PRKG1: variants seen among roughly 807,000 people sequenced by gnomAD.
PRKG1 encodes protein kinase cGMP-dependent 1.
PRKG1 carries 35 observed loss-of-function variants against 88.1 expected under a neutral mutation model. The ratio of observed to expected loss-of-function variants is 0.40; its 90% CI spans 0.30 to 0.53. The LOEUF (loss-of-function observed/expected upper bound fraction) is 0.53, where lower values mean the gene tolerates loss of function less well. PRKG1 is among the 20% of genes least tolerant of loss of function. The pLI is 0.59. For synonymous variants in PRKG1, 303 were observed against 292.5 expected (o/e 1.04, Z -0.37); for missense variants, 540 against 839.8 (o/e 0.64, Z 4.41).
intron 5 of PRKG1, among the ~76,000 whole-genome samples, chr10:51,963,862 G>A (rs149687077): frequency 3.3e-5 from 5 of 152,252 alleles, no homozygotes; most frequent in African/African-American, 1.2e-4. Context: ...CTGATTTTAT[G>A]TCAGTATCAC....
chr10:51,390,856 G>A (rs1837376606), intron 2 of PRKG1, among the ~76,000 whole-genome samples: 1 of 149,870 alleles, frequency 6.7e-6, no homozygotes, highest in Admixed American at 6.6e-5. Flanking sequence ...CAGGGTAGAG[G>A]CCATGGATGG....
intron 1 of PRKG1, among the ~76,000 whole-genome samples, chr10:50,998,334 TACTC>T (rs112741062): frequency 0.02 from 3,014 of 152,350 alleles, 52 homozygotes; most frequent in Middle Eastern, 0.071. Flanking sequence ...GCAGATTTCT[TACTC>T]AAACTATTAC....
chr10:52,245,783 T>G (rs1261158099), intron 9 of PRKG1, among the ~76,000 whole-genome samples: 1 of 150,532 alleles, frequency 6.6e-6, no homozygotes, highest in African/African-American at 2.4e-5. Context: ...ATTTATTTAT[T>G]TATTTATTTA....
chr10:51,303,877 G>A (rs1405505776), intron 2 of PRKG1, among the ~76,000 whole-genome samples: 1 of 152,060 alleles, frequency 6.6e-6, no homozygotes, highest in East Asian at 1.9e-4. Context: ...CTGGAGCGCA[G>A]TGGTGTGATC....
chr10:51,435,247 CTTGT>C (rs956468137), intron 2 of PRKG1, among the ~76,000 whole-genome samples: 7 of 151,758 alleles, frequency 4.6e-5, no homozygotes, highest in East Asian at 1.9e-4. Flanking sequence ...TATGTGTTTG[CTTGT>C]TTGTTTGTTT....
intron 2 of PRKG1, among the ~76,000 whole-genome samples, chr10:51,311,605 A>G (rs1350118015): frequency 1.3e-5 from 2 of 152,234 alleles, no homozygotes; most frequent in African/African-American, 2.4e-5. Flanking sequence ...TTAGATCTCT[A>G]TGAATCACAG....
intron 9 of PRKG1, among the ~76,000 whole-genome samples, chr10:52,169,610 A>G (rs573076190): frequency 6.6e-6 from 1 of 152,292 alleles, no homozygotes. Flanking sequence ...ATGATATTAC[A>G]TGTTGCTAAG....
intron 1 of PRKG1, among the ~76,000 whole-genome samples, chr10:51,146,714 A>G (rs977334187): frequency 2.6e-5 from 4 of 152,056 alleles, no homozygotes; most frequent in Admixed American, 2.6e-4. Flanking sequence ...GGGGTCTTAC[A>G]TTTAGGTCTT....
intron 1 of PRKG1, among the ~76,000 whole-genome samples, chr10:51,078,969 C>G (rs4935220): frequency 0.64 from 97,329 of 152,008 alleles, 31,252 homozygotes; most frequent in East Asian, 0.83. Flanking sequence ...ATCTTTTAAA[C>G]TTTATACTGA....
intron 1 of PRKG1, among the ~76,000 whole-genome samples, chr10:51,146,565 T>C (rs1845953312): frequency 6.6e-6 from 1 of 152,124 alleles, no homozygotes; most frequent in African/African-American, 2.4e-5. Flanking sequence ...ATGAAGAAGC[T>C]TTTTATTTAT....
At chr10:51,588,453 C>G (rs1386786520) in intron 3 of PRKG1, among the ~76,000 whole-genome samples, 1 of 152,190 alleles carries the variant, frequency 6.6e-6, no homozygotes, top group Non-Finnish European at 1.5e-5. Flanking sequence ...TTACAACTAT[C>G]TGCTCAATAG....
intron 7 of PRKG1, among the ~76,000 whole-genome samples, chr10:52,086,347 A>G (rs1223644158): frequency 6.6e-6 from 1 of 151,146 alleles, no homozygotes; most frequent in Non-Finnish European, 1.5e-5. Flanking sequence ...CACACTATAC[A>G]CTTTTTTGAA....
At chr10:51,809,638 A>C (rs12241757) in intron 4 of PRKG1, among the ~76,000 whole-genome samples, 21,752 of 152,058 alleles carry the variant, frequency 0.14, 2,111 homozygotes, top group African/African-American at 0.28. Context: ...ACCCTGATTT[A>C]TATTACTTGT....
At chr10:51,271,751 C>G (rs1839985487) in intron 2 of PRKG1, among the ~76,000 whole-genome samples, 1 of 152,176 alleles carries the variant, frequency 6.6e-6, no homozygotes, top group Non-Finnish European at 1.5e-5. Context: ...CATGAACTCA[C>G]CCTTTTTATG....
At chr10:51,247,122 G>C (rs1839312303) in intron 2 of PRKG1, among the ~76,000 whole-genome samples, 1 of 151,914 alleles carries the variant, frequency 6.6e-6, no homozygotes, top group Admixed American at 6.6e-5. Context: ...CACGTGGCTG[G>C]TAAGACTGTG....
At chr10:51,033,602 T>C (rs927884329) in intron 1 of PRKG1, among the ~76,000 whole-genome samples, 17 of 152,342 alleles carry the variant, frequency 1.1e-4, no homozygotes, top group Middle Eastern at 3.4e-3. Flanking sequence ...CCAATAAATA[T>C]GTGTTGTATC....
chr10:51,319,265 G>A (rs1841396374), intron 2 of PRKG1, among the ~76,000 whole-genome samples: 1 of 152,188 alleles, frequency 6.6e-6, no homozygotes, highest in Non-Finnish European at 1.5e-5. Flanking sequence ...ATCTCTTGCT[G>A]AATGGGAAGC....
At chr10:51,427,033 A>C (rs185094211) in intron 2 of PRKG1, among the ~76,000 whole-genome samples, 29 of 152,278 alleles carry the variant, frequency 1.9e-4, no homozygotes, top group Non-Finnish European at 3.8e-4. Flanking sequence ...ATTTGCTTCT[A>C]TGTTGCTATT....
intron 5 of PRKG1, among the ~76,000 whole-genome samples, chr10:51,971,734 C>T (rs1262148334): frequency 6.6e-6 from 1 of 152,072 alleles, no homozygotes; most frequent in East Asian, 1.9e-4. Flanking sequence ...ACACTTCATC[C>T]TAATGTACAC....
Sources: gnomAD v4.1 joint callset for allele counts (sites outside exome capture counted in the v4.1 genomes callset) on GRCh38, gnomAD v4.1.1 for gene constraint, MANE v1.5 for transcripts, NCBI Gene and HGNC (gene_info 2026-07-23, HGNC 2026-07-21) for gene names.